SERINC5: variants seen among roughly 807,000 people sequenced by gnomAD.
The protein encoded by SERINC5 is chromosome 5 open reading frame 12.
A neutral mutation model predicts 63.1 loss-of-function variants in SERINC5; 41 were observed. That is an observed-to-expected ratio of 0.65 (90% CI 0.51 to 0.84). The LOEUF (loss-of-function observed/expected upper bound fraction) is 0.84, where lower values mean the gene tolerates loss of function less well. Among genes scored for constraint, SERINC5 ranks in the 40% least tolerant of loss-of-function variants. The pLI, the probability that SERINC5 is intolerant of heterozygous loss-of-function variation, is 0.00. For missense variants in SERINC5, 523 were observed against 573.0 expected (o/e 0.91, Z 0.89); for synonymous variants, 222 against 215.2 (o/e 1.03, Z -0.28).
chr5:80,160,920 ATG>A (rs145818274), intron 7 of SERINC5, among the ~76,000 whole-genome samples: 43,825 of 148,830 alleles, frequency 0.29, 7,395 homozygotes, highest in African/African-American at 0.47. Flanking sequence ...AGATATATAT[ATG>A]TGTGTGTGTG....
chr5:80,139,231 T>TGCAAAGTA lies in SERINC5; in HGVS notation c.*4424_*4431dup, dbSNP rs1192945063. 1.0e-6 allele frequency: 1 copy of TGCAAAGTA among 976,774 alleles called. No individual in the cohort carries two copies. Among genetic ancestry groups the TGCAAAGTA allele is most frequent in the Non-Finnish European group, 1.2e-6 (1 of 822,070 alleles). 60.5% of individuals were successfully genotyped at this position (976,774 alleles called of 1,614,324 possible). ...TATAAAACTTTTGTAGTTTTCTTTT[T>TGCAAAGTA]GCAAAGTAAAAAGGCTTAAATCTTT... On this transcript the variant is annotated 3_prime_UTR_variant, in exon 12 of 12. Coordinates refer to ENST00000507668, the MANE Select transcript of SERINC5 (RefSeq NM_001174072.3).
intron 1 of SERINC5, among the ~76,000 whole-genome samples, chr5:80,230,028 T>C (rs1475313467): frequency 6.6e-6 from 1 of 152,050 alleles, no homozygotes; most frequent in African/African-American, 2.4e-5. Context: ...TCTGGGAGAT[T>C]TACCTAGTTG....
intron 11 of SERINC5, 60 bp downstream of exon 11, chr5:80,146,030 T>C: frequency 6.4e-7 from 1 of 1,571,986 alleles, no homozygotes; most frequent in Non-Finnish European, 8.8e-7. Context: ...ACACGAACAG[T>C]ACTTAACTCT....
intron 8 of SERINC5, among the ~76,000 whole-genome samples, chr5:80,153,049 C>T (rs886556084): frequency 2.0e-5 from 3 of 152,174 alleles, no homozygotes; most frequent in African/African-American, 4.8e-5. Flanking sequence ...TGCCACTTCA[C>T]CATCAAAGAG....
In SERINC5 at chr5:80,150,967, C is replaced by T. The variant is rs754406737; in HGVS notation, c.987-19G>A. 9.4e-6 allele frequency: 15 copies of T among 1,602,408 alleles called. No homozygotes were observed. The highest frequency in any genetic ancestry group is 8.9e-5 in the East Asian group (4 of 44,838). On this transcript the variant is annotated intron_variant, in intron 8 of 11. Coordinates refer to ENST00000507668, the MANE Select transcript of SERINC5 (RefSeq NM_001174072.3). ...TGTCAAACTAAGAAACAGACAAAAACGTCAGCTGGGCATATTAACACATTA... is the reference window on the plus strand; with the variant it reads ...TGTCAAACTAAGAAACAGACAAAAATGTCAGCTGGGCATATTAACACATTA...
In SERINC5 at chr5:80,223,984, T is replaced by G. The variant is rs566106989; in HGVS notation, c.28-20931A>C. 2.7e-5 allele frequency among the ~76,000 whole-genome samples: 4 copies of G among 148,218 alleles called. No homozygotes were observed. The East Asian group carries it at 8.0e-4, about 30-fold the overall frequency. On this transcript the variant is annotated intron_variant, in intron 1 of 11. Coordinates refer to ENST00000507668, the MANE Select transcript of SERINC5 (RefSeq NM_001174072.3). Reference sequence around the variant, plus strand: ...CAGATAAAAATACAAAAAAAAAAAATTAACTGGGCGTGGTGGCGGGCGCCT... The same window carrying G: ...CAGATAAAAATACAAAAAAAAAAAAGTAACTGGGCGTGGTGGCGGGCGCCT...
intron 2 of SERINC5, among the ~76,000 whole-genome samples, chr5:80,200,233 T>G (rs1749742994): frequency 6.6e-6 from 1 of 152,016 alleles, no homozygotes; most frequent in Admixed American, 6.5e-5. Flanking sequence ...ATCCCAGCAC[T>G]TTGGGAGGCT....
chr5:80,191,063 T>C (rs1184596551), intron 2 of SERINC5, among the ~76,000 whole-genome samples: 1 of 151,720 alleles, frequency 6.6e-6, no homozygotes, highest in Non-Finnish European at 1.5e-5. Flanking sequence ...CCACTTGTAC[T>C]AAGTGCCACT....
chr5:80,173,568 CCTGGGCGACAGAACGAGACTCTGT>C lies in SERINC5; in HGVS notation c.551+1362_551+1385del, dbSNP rs1219639012. On this transcript the variant is annotated intron_variant, in intron 5 of 11. Transcript: ENST00000507668. Reference sequence around the variant, plus strand: ...CCGAGATTGTGCCACTGCACTCCAGCCTGGGCGACAGAACGAGACTCTGTCTCAAAAGAAAAGAAAAGAAAAGAA... The same window carrying C: ...CCGAGATTGTGCCACTGCACTCCAGCCTCAAAAGAAAAGAAAAGAAAAGAA... 2.0e-5 allele frequency among the ~76,000 whole-genome samples: 3 copies of C among 152,168 alleles called. No homozygotes were observed. In the East Asian group the frequency reaches 5.8e-4, roughly 30 times the overall value.
intron 1 of SERINC5, among the ~76,000 whole-genome samples, chr5:80,222,561 A>AGTGTGTCTGT (rs1750959152): frequency 6.8e-6 from 1 of 146,216 alleles, no homozygotes; most frequent in Non-Finnish European, 1.5e-5. Context: ...TGAGTGTGTG[A>AGTGTGTCTGT]GTGTGTGAGT....
rs1032830187 is a variant in SERINC5 at position 80,142,097 on chromosome 5, T to C, written c.*1566A>G. 1.0e-6 allele frequency: 1 copy of C among 985,316 alleles called. No homozygotes were observed. The highest frequency in any genetic ancestry group is 1.7e-5 in the African/African-American group (1 of 57,236). The allele number at this position is 985,316 out of a possible 1,614,324, so 61.0% of individuals were successfully genotyped here. A position where few individuals can be genotyped will look rare whatever the true frequency, so the allele number is the denominator to read the frequency against. ...AAAAATGACTAGGCTGAGCCTTTTA[T>C]TCTTAGATCCTCACTTACAGAGAGC... On this transcript the variant is annotated 3_prime_UTR_variant, in exon 12 of 12. Transcript: ENST00000507668.
intron 9 of SERINC5, among the ~76,000 whole-genome samples, chr5:80,148,425 G>T (rs937240675): frequency 6.6e-6 from 1 of 151,758 alleles, no homozygotes; most frequent in Non-Finnish European, 1.5e-5. Flanking sequence ...CCAGGCCTCA[G>T]GTGATCCACC....
chr5:80,200,776 A>C lies in SERINC5; in HGVS notation c.195+2110T>G, dbSNP rs78297314. ...TGCTGTTAAGAAAATGGTTGTTTTGAAATACTTGAGTGTATTTAAAATAGC... is the reference window on the plus strand; with the variant it reads ...TGCTGTTAAGAAAATGGTTGTTTTGCAATACTTGAGTGTATTTAAAATAGC... On this transcript the variant is annotated intron_variant, in intron 2 of 11. Transcript: ENST00000507668. Among the ~76,000 whole-genome samples the C allele has an allele frequency of 8.2e-3, 1,255 of 152,226 alleles. 9 individuals are homozygous for C. Among genetic ancestry groups the C allele is most frequent in the South Asian group, 0.014 (69 of 4,822 alleles).
At chr5:80,235,995 C>T (rs994949329) in intron 1 of SERINC5, among the ~76,000 whole-genome samples, 1 of 152,084 alleles carries the variant, frequency 6.6e-6, no homozygotes, top group African/African-American at 2.4e-5. Flanking sequence ...GTTCACCCAT[C>T]TTTTCTCAAT....
intron 11 of SERINC5, among the ~76,000 whole-genome samples, chr5:80,119,726 A>G (rs1580013728): frequency 1.3e-5 from 2 of 152,246 alleles, no homozygotes; most frequent in African/African-American, 2.4e-5. Flanking sequence ...CTGTTCTGGT[A>G]TATTACAAAC....
intron 5 of SERINC5, among the ~76,000 whole-genome samples, chr5:80,174,686 G>A (rs1013099560): frequency 1.6e-4 from 24 of 151,960 alleles, no homozygotes; most frequent in Admixed American, 1.3e-4. Flanking sequence ...GGCGGATCAC[G>A]AGGTCAGGAG....
chr5:80,204,972 T>C (rs1750078679), intron 1 of SERINC5, among the ~76,000 whole-genome samples: 1 of 152,198 alleles, frequency 6.6e-6, no homozygotes, highest in South Asian at 2.1e-4. Flanking sequence ...CCTCTCCTTC[T>C]CAGGCACATA....
chr5:80,255,582 G>C (rs556259599), intron 1 of SERINC5, among the ~76,000 whole-genome samples: 4 of 152,338 alleles, frequency 2.6e-5, no homozygotes, highest in East Asian at 3.9e-4. Context: ...AGTGCTCGGC[G>C]CAAGAGGCGA....
Position 80,178,020 on chromosome 5 carries a change from G to GTCACCAGCT in SERINC5, c.231_239dup (p.Gly79_Asp80insGluAlaGly), listed in dbSNP as rs1166897771. The GTCACCAGCT allele has an allele frequency of 2.5e-6, 4 of 1,611,964 alleles. No homozygotes were observed. In the African/African-American group the frequency reaches 5.3e-5, roughly 22 times the overall value. On this transcript the variant is annotated inframe_insertion, in exon 3 of 12. Transcript: ENST00000507668. ...AATATCCCACCAGCTTCTCACAGGTGTCACCAGCTTTAATGCCTTTACACA... is the reference window on the plus strand; with the variant it reads ...AATATCCCACCAGCTTCTCACAGGTGTCACCAGCTTCACCAGCTTTAATGCCTTTACACA...
Sources: gnomAD v4.1 joint callset for allele counts (sites outside exome capture counted in the v4.1 genomes callset) on GRCh38, gnomAD v4.1.1 for gene constraint, MANE v1.5 for transcripts, NCBI Gene and HGNC (gene_info 2026-07-23, HGNC 2026-07-21) for gene names.